GLG1: variants seen among roughly 807,000 people sequenced by gnomAD.
GLG1 encodes the protein golgi glycoprotein 1.
In GLG1, 38 loss-of-function variants were observed where a neutral mutation model predicts 160.5. The observed-to-expected ratio is 0.24, with a 90% CI of 0.18 to 0.31. GLG1 has a LOEUF of 0.31. Among genes scored for constraint, GLG1 ranks in the 10% least tolerant of loss-of-function variants. The pLI, the probability that GLG1 is intolerant of heterozygous loss-of-function variation, is 1.00. For synonymous variants in GLG1, 644 were observed against 543.4 expected (o/e 1.19, Z -2.57); for missense variants, 1,373 against 1,505.2 (o/e 0.91, Z 1.45).
Position 74,468,939 on chromosome 16 carries a change from G to C in GLG1, c.2436+7C>G. 2.0e-6 allele frequency: 3 copies of C among 1,515,780 alleles called. No homozygotes were observed. Among genetic ancestry groups the C allele is most frequent in the Non-Finnish European group, 2.8e-6 (3 of 1,089,902 alleles). 93.9% of individuals were successfully genotyped at this position (1,515,780 alleles called of 1,614,324 possible). Reference sequence around the variant, plus strand: ...GGTTTCTGGGAGCAGAGGCTGGGAGGCATTACCATCTCCAGCTCCTCCACA... The same window carrying C: ...GGTTTCTGGGAGCAGAGGCTGGGAGCCATTACCATCTCCAGCTCCTCCACA... On this transcript the variant is annotated splice_region_variant and intron_variant, in intron 17 of 25. Coordinates refer to ENST00000422840, the MANE Select transcript of GLG1 (RefSeq NM_001145667.2).
chr16:74,489,227 T>C (rs2015896908), intron 8 of GLG1, among the ~76,000 whole-genome samples: 1 of 152,020 alleles, frequency 6.6e-6, no homozygotes, highest in Non-Finnish European at 1.5e-5. Context: ...TCCCAGCACT[T>C]TGGGAGGCTG....
chr16:74,469,165 C>A, intron 16 of GLG1, 102 bp from the exon 17 acceptor site: 1 of 759,136 alleles, frequency 1.3e-6, no homozygotes. Flanking sequence ...TCAAGATGCC[C>A]TTTGGGGGAA....
At chr16:74,570,369 G>A (rs2143776967) in intron 1 of GLG1, among the ~76,000 whole-genome samples, 1 of 152,084 alleles carries the variant, frequency 6.6e-6, no homozygotes, top group East Asian at 1.9e-4. Context: ...CATAATAATT[G>A]TGAAGCATTT....
chr16:74,532,501 A>AC (rs2143612434), intron 1 of GLG1, among the ~76,000 whole-genome samples: 1 of 152,218 alleles, frequency 6.6e-6, no homozygotes, highest in African/African-American at 2.4e-5. Flanking sequence ...GAGTGCAGAG[A>AC]AAGTCGCTCA....
intron 15 of GLG1, 93 bp downstream of exon 15, chr16:74,471,080 A>G: frequency 1.3e-6 from 1 of 775,344 alleles, no homozygotes; most frequent in South Asian, 1.5e-5. Flanking sequence ...TTTTAACAGA[A>G]CATCAGAGGT....
intron 1 of GLG1, among the ~76,000 whole-genome samples, chr16:74,577,319 C>T (rs1052230681): frequency 2.6e-5 from 4 of 151,942 alleles, no homozygotes; most frequent in South Asian, 2.1e-4. Flanking sequence ...GTCAGGAGTT[C>T]GAGATCAGGC....
At chr16:74,482,926 G>C (rs2015655090) in intron 10 of GLG1, 97 bp downstream of exon 10, 2 of 753,432 alleles carry the variant, frequency 2.7e-6, no homozygotes, top group Admixed American at 2.0e-5. Flanking sequence ...TGAACAAAAA[G>C]AGTTTCCTAC....
rs746823389 is a variant in GLG1 at position 74,492,950 on chromosome 16, A to G, written c.1234+7T>C. 5 of 1,552,090 alleles carry G rather than the reference A, an allele frequency of 3.2e-6. No individual in the cohort carries two copies. The Admixed American group carries it at 1.0e-4, about 32-fold the overall frequency. ...AATGATAATTAAAAAAAAAATATGAATGCTACCTCTGTGTACAGCTGACTC... is the reference window on the plus strand; with the variant it reads ...AATGATAATTAAAAAAAAAATATGAGTGCTACCTCTGTGTACAGCTGACTC... On this transcript the variant is annotated splice_region_variant and intron_variant, in intron 7 of 25. Transcript: ENST00000422840.
chr16:74,473,471 G>A (rs1208830668), intron 13 of GLG1, among the ~76,000 whole-genome samples: 43 of 119,506 alleles, frequency 3.6e-4, no homozygotes, highest in African/African-American at 9.8e-4. Flanking sequence ...ATAGAGTCTC[G>A]CTCTGTTGCT....
At chr16:74,492,904 G>T in intron 7 of GLG1, 53 bp downstream of exon 7, 1 of 1,132,424 alleles carries the variant, frequency 8.8e-7, no homozygotes, top group Non-Finnish European at 1.2e-6. Flanking sequence ...GCTTTAGAGT[G>T]TGAATCCAAA....
chr16:74,504,054 G>C (rs2016509236), intron 3 of GLG1, among the ~76,000 whole-genome samples: 1 of 152,168 alleles, frequency 6.6e-6, no homozygotes, highest in African/African-American at 2.4e-5. Flanking sequence ...AGTGAAAAGA[G>C]CTGTTAACAT....
intron 1 of GLG1, among the ~76,000 whole-genome samples, chr16:74,602,456 A>G (rs1398627087): frequency 6.6e-6 from 1 of 152,234 alleles, no homozygotes; most frequent in Admixed American, 6.5e-5. Flanking sequence ...ATTTGCTTTT[A>G]AATATGCCAG....
chr16:74,562,668 C>G (rs1333489390), intron 1 of GLG1, among the ~76,000 whole-genome samples: 1 of 152,166 alleles, frequency 6.6e-6, no homozygotes, highest in African/African-American at 2.4e-5. Context: ...CCATGTTGGT[C>G]AGGCTGGTCT....
At position 74,465,766 on chromosome 16, in the gene GLG1, G is replaced by A. The variant is rs1323861989; in HGVS notation, c.2577C>T (p.Cys859=). ...CCTGCAGCTTAAATACTTTTTGGTG[G>A]CAGCGGGTGCTTAGCTGCTTCTTGT... The part of the protein sequence containing the change: ...KENKKQLSTR[C]HQKVFKLQET... Residue 859 remains cysteine, a synonymous_variant, in exon 19 of 26, where the codon TGC becomes TGT. Coordinates refer to ENST00000422840, the MANE Select transcript of GLG1 (RefSeq NM_001145667.2). 1 of 1,613,108 alleles carries A rather than the reference G, an allele frequency of 6.2e-7. No homozygotes were observed. The highest frequency in any genetic ancestry group is 2.2e-5 in the East Asian group (1 of 44,886).
chr16:74,573,860 C>T (rs2018910064), intron 1 of GLG1, among the ~76,000 whole-genome samples: 1 of 151,288 alleles, frequency 6.6e-6, no homozygotes, highest in South Asian at 2.1e-4. Context: ...GTGACGCAAT[C>T]TCGGCTCACT....
intron 1 of GLG1, among the ~76,000 whole-genome samples, chr16:74,588,967 C>A (rs1326377513): frequency 6.6e-6 from 1 of 151,064 alleles, no homozygotes; most frequent in Non-Finnish European, 1.5e-5. Flanking sequence ...AGTGGCCGGG[C>A]ATGGTGGCTC....
chr16:74,602,059 G>A (rs1221624209), intron 1 of GLG1, among the ~76,000 whole-genome samples: 1 of 152,110 alleles, frequency 6.6e-6, no homozygotes, highest in East Asian at 1.9e-4. Context: ...TAGAGATGGT[G>A]TAGTCCACTA....
At chr16:74,544,584 G>GT (rs1246436471) in intron 1 of GLG1, among the ~76,000 whole-genome samples, 25 of 152,266 alleles carry the variant, frequency 1.6e-4, no homozygotes, top group Admixed American at 6.5e-4. Flanking sequence ...ACGGCTCACT[G>GT]TAACCTCCGC....
chr16:74,500,095 G>T (rs947532274), intron 4 of GLG1, among the ~76,000 whole-genome samples: 1 of 152,176 alleles, frequency 6.6e-6, no homozygotes, highest in African/African-American at 2.4e-5. Context: ...TCAAATAAGG[G>T]TATTTCAGGA....
Sources: allele counts gnomAD v4.1 joint callset (sites outside exome capture counted in the v4.1 genomes callset), GRCh38; gene constraint gnomAD v4.1.1; transcripts MANE v1.5; gene names NCBI Gene and HGNC (gene_info 2026-07-23, HGNC 2026-07-21).